The following LSAMP variants were observed in gnomAD, a reference collection of about 807,000 sequenced individuals.
LSAMP encodes limbic system-associated membrane protein.
In LSAMP, 7 loss-of-function variants were observed where a neutral mutation model predicts 38.6. The observed-to-expected ratio is 0.18, with a 90% CI of 0.10 to 0.34. LSAMP has a LOEUF of 0.34. LSAMP is among the 10% of genes least tolerant of loss of function. The probability of loss-of-function intolerance (pLI) is 1.00; values close to 1 mark genes in which losing one functional copy is unlikely to be tolerated. For synonymous variants in LSAMP, 154 were observed against 166.8 expected (o/e 0.92, Z 0.59); for missense variants, 313 against 420.0 (o/e 0.75, Z 2.23).
intron 1 of LSAMP, among the ~76,000 whole-genome samples, chr3:116,162,768 T>TAC (rs71141856): frequency 0.15 from 22,630 of 147,112 alleles, 1,819 homozygotes; most frequent in Middle Eastern, 0.18. Context: ...CACACACTTA[T>TAC]ACACACACAC....
chr3:116,354,731 T>C (rs916886926), intron 1 of LSAMP, among the ~76,000 whole-genome samples: 14 of 152,262 alleles, frequency 9.2e-5, no homozygotes, highest in African/African-American at 3.1e-4. Flanking sequence ...AGGACCAGGA[T>C]AGACACTGGG....
intron 1 of LSAMP, among the ~76,000 whole-genome samples, chr3:116,137,962 A>G (rs908442594): frequency 1.7e-4 from 26 of 152,302 alleles, no homozygotes; most frequent in African/African-American, 6.3e-4. Flanking sequence ...AAAGGGCAAG[A>G]GCTAAGGAAA....
intron 2 of LSAMP, among the ~76,000 whole-genome samples, chr3:116,058,713 G>A (rs756023489): frequency 5.3e-5 from 8 of 151,932 alleles, no homozygotes; most frequent in Non-Finnish European, 1.0e-4. Context: ...ATTTAGTTTG[G>A]GTGTTCAAGT....
chr3:115,971,690 G>C (rs569387383), intron 3 of LSAMP, among the ~76,000 whole-genome samples: 1 of 152,152 alleles, frequency 6.6e-6, no homozygotes, highest in South Asian at 2.1e-4. Flanking sequence ...ATTAACTATT[G>C]ATAAGGTGAT....
At chr3:116,420,823 G>A (rs949794248) in intron 1 of LSAMP, among the ~76,000 whole-genome samples, 5 of 152,142 alleles carry the variant, frequency 3.3e-5, no homozygotes, top group African/African-American at 1.2e-4. Context: ...GTCACAGTGA[G>A]TGGAGCTCAC....
chr3:116,171,391 T>C (rs1022079935), intron 1 of LSAMP, among the ~76,000 whole-genome samples: 5 of 152,166 alleles, frequency 3.3e-5, no homozygotes, highest in Admixed American at 6.6e-5. Context: ...AATTGAGTTA[T>C]ATTAAATAGA....
chr3:115,854,896 G>C (rs1935458649), intron 3 of LSAMP, among the ~76,000 whole-genome samples: 1 of 152,232 alleles, frequency 6.6e-6, no homozygotes, highest in Non-Finnish European at 1.5e-5. Flanking sequence ...AGAATAGAAA[G>C]TAAGATAGCA....
chr3:115,901,146 C>T (rs1392175636), intron 3 of LSAMP, among the ~76,000 whole-genome samples: 2 of 151,988 alleles, frequency 1.3e-5, no homozygotes, highest in African/African-American at 4.8e-5. Flanking sequence ...TCTGGACAGA[C>T]CTTTGGATGC....
rs1200620506 is a variant in LSAMP, at chr3:115,814,531, A to T, written c.920-4117T>A. ...TCAACACCTGTTTTAGCGTATGCTT[A>T]GAGACATTTTGTAATTCAAATCTGG... On this transcript the variant is annotated intron_variant, in intron 6 of 6. Coordinates refer to ENST00000490035, the MANE Select transcript of LSAMP (RefSeq NM_002338.5). 2.0e-5 allele frequency among the ~76,000 whole-genome samples: 3 copies of T among 152,202 alleles called. No individual in the cohort carries two copies. The East Asian group carries it at 5.8e-4, about 29-fold the overall frequency.
chr3:116,228,190 T>G (rs1024505596), intron 1 of LSAMP, among the ~76,000 whole-genome samples: 1 of 152,090 alleles, frequency 6.6e-6, no homozygotes, highest in Non-Finnish European at 1.5e-5. Context: ...GAGATTGCAA[T>G]GTATTAGAAA....
chr3:116,170,360 C>A (rs1454777909), intron 1 of LSAMP, among the ~76,000 whole-genome samples: 1 of 152,096 alleles, frequency 6.6e-6, no homozygotes, highest in African/African-American at 2.4e-5. Context: ...AATGTACTCG[C>A]TTTGTGGCTA....
At chr3:116,375,071 C>T (rs576027427) in intron 1 of LSAMP, among the ~76,000 whole-genome samples, 23 of 151,942 alleles carry the variant, frequency 1.5e-4, no homozygotes, top group East Asian at 3.9e-4. Context: ...TCATGAGGAA[C>T]GAATCAGAAA....
intron 3 of LSAMP, among the ~76,000 whole-genome samples, chr3:115,908,228 T>C (rs539478145): frequency 8.8e-4 from 133 of 151,126 alleles, no homozygotes; most frequent in African/African-American, 3.1e-3. Flanking sequence ...CCCCTCAGTT[T>C]ATATATATAT....
chr3:115,971,985 C>CAT (rs1287463831), intron 3 of LSAMP, among the ~76,000 whole-genome samples: 6 of 152,152 alleles, frequency 3.9e-5, no homozygotes, highest in African/African-American at 1.2e-4. Context: ...AAATCCTATA[C>CAT]ATCTATTAAA....
chr3:116,251,642 A>G (rs1326317835), intron 1 of LSAMP, among the ~76,000 whole-genome samples: 1 of 152,244 alleles, frequency 6.6e-6, no homozygotes, highest in Non-Finnish European at 1.5e-5. Flanking sequence ...AAGAATAGAT[A>G]ACTGACCCAT....
At chr3:116,393,486 C>T (rs1215305413) in intron 1 of LSAMP, among the ~76,000 whole-genome samples, 1 of 152,204 alleles carries the variant, frequency 6.6e-6, no homozygotes, top group Admixed American at 6.5e-5. Context: ...TCACATACCC[C>T]TCACTGCCCC....
chr3:116,169,515 C>T (rs1170376597), intron 1 of LSAMP, among the ~76,000 whole-genome samples: 5 of 152,182 alleles, frequency 3.3e-5, no homozygotes, highest in Admixed American at 2.0e-4. Flanking sequence ...TTCTTCTTCA[C>T]ATTATGAAGG....
At chr3:116,281,853 T>C (rs2047131376) in intron 1 of LSAMP, among the ~76,000 whole-genome samples, 1 of 152,174 alleles carries the variant, frequency 6.6e-6, no homozygotes, top group Non-Finnish European at 1.5e-5. Flanking sequence ...ATTTTAGTAC[T>C]AACCAACAAA....
chr3:116,414,726 C>G (rs984570325), intron 1 of LSAMP, among the ~76,000 whole-genome samples: 2 of 152,124 alleles, frequency 1.3e-5, no homozygotes, highest in Non-Finnish European at 2.9e-5. Context: ...TCAGTGAGTT[C>G]TGTGATTTCT....
Sources: allele counts gnomAD v4.1 joint callset (sites outside exome capture counted in the v4.1 genomes callset), GRCh38; gene constraint gnomAD v4.1.1; transcripts MANE v1.5; gene names NCBI Gene and HGNC (gene_info 2026-07-23, HGNC 2026-07-21).